The following ULK4 variants were observed in gnomAD, a reference collection of about 807,000 sequenced individuals.
The protein encoded by ULK4 is unc-51 like kinase 4.
In ULK4, 133 loss-of-function variants were observed where a neutral mutation model predicts 160.6. That is an observed-to-expected ratio of 0.83 (90% CI 0.72 to 0.96). ULK4 has a LOEUF of 0.96. Among genes scored for constraint, ULK4 ranks in the 40% least tolerant of loss-of-function variants. The probability of loss-of-function intolerance (pLI) is 0.00; values close to 1 mark genes in which losing one functional copy is unlikely to be tolerated. For synonymous variants in ULK4, 534 were observed against 539.8 expected (o/e 0.99, Z 0.15); for missense variants, 1,580 against 1,499.5 (o/e 1.05, Z -0.89).
At chr3:41,649,422 A>G (rs1194694952) in intron 30 of ULK4, among the ~76,000 whole-genome samples, 1 of 151,990 alleles carries the variant, frequency 6.6e-6, no homozygotes, top group Admixed American at 6.5e-5. Context: ...ACAGCTCCAG[A>G]CCCTGGCACC....
intron 34 of ULK4, among the ~76,000 whole-genome samples, chr3:41,439,464 G>T (rs532675498): frequency 2.5e-4 from 38 of 152,210 alleles, no homozygotes; most frequent in African/African-American, 8.9e-4. Context: ...CACCCAGAAA[G>T]AAATGAAAAT....
chr3:41,789,047 C>CA (rs1464903341), intron 21 of ULK4, among the ~76,000 whole-genome samples: 1 of 152,156 alleles, frequency 6.6e-6, no homozygotes, highest in Non-Finnish European at 1.5e-5. Context: ...TAGGTGATGT[C>CA]AATGCTGCTG....
chr3:41,477,033 G>C (rs2084165954), intron 32 of ULK4, among the ~76,000 whole-genome samples: 1 of 152,124 alleles, frequency 6.6e-6, no homozygotes, highest in South Asian at 2.1e-4. Context: ...TAGTGTGCTA[G>C]TACTTCCCAG....
intron 17 of ULK4, among the ~76,000 whole-genome samples, chr3:41,864,817 C>A (rs1332199003): frequency 6.6e-6 from 1 of 152,138 alleles, no homozygotes; most frequent in African/African-American, 2.4e-5. Context: ...TGATCTAAGA[C>A]CAATTACCCT....
chr3:41,840,197 T>C (rs2041868340), intron 17 of ULK4, among the ~76,000 whole-genome samples: 1 of 152,128 alleles, frequency 6.6e-6, no homozygotes, highest in Non-Finnish European at 1.5e-5. Flanking sequence ...GGGAGGCCAA[T>C]ACGGGAGGAT....
At chr3:41,648,398 T>C (rs1456375525) in intron 30 of ULK4, among the ~76,000 whole-genome samples, 1 of 152,166 alleles carries the variant, frequency 6.6e-6, no homozygotes, top group Non-Finnish European at 1.5e-5. Context: ...TAGTACCAAA[T>C]GACTACAGCT....
At chr3:41,296,068 C>A (rs1022035101) in intron 35 of ULK4, among the ~76,000 whole-genome samples, 2 of 152,036 alleles carry the variant, frequency 1.3e-5, no homozygotes, top group Non-Finnish European at 2.9e-5. Flanking sequence ...TATTACTCAG[C>A]GCTAAAAAGA....
At chr3:41,543,697 C>T (rs770561545) in intron 32 of ULK4, among the ~76,000 whole-genome samples, 3 of 152,114 alleles carry the variant, frequency 2.0e-5, no homozygotes, top group Non-Finnish European at 4.4e-5. Flanking sequence ...TATTGGCATA[C>T]ATTTTTTCAT....
intron 32 of ULK4, among the ~76,000 whole-genome samples, chr3:41,484,602 G>GTA (rs1559638329): frequency 4.9e-4 from 74 of 151,950 alleles, no homozygotes; most frequent in African/African-American, 1.7e-3. Context: ...ACAGGCGCCC[G>GTA]CCACCACACC....
chr3:41,433,879 C>T (rs1005348496), intron 34 of ULK4, among the ~76,000 whole-genome samples: 11 of 152,202 alleles, frequency 7.2e-5, no homozygotes, highest in African/African-American at 1.4e-4. Context: ...GCCACCACAC[C>T]GGGCTAATTT....
intron 34 of ULK4, among the ~76,000 whole-genome samples, chr3:41,410,743 A>G (rs374731698): frequency 1.2e-4 from 19 of 152,348 alleles, no homozygotes; most frequent in Middle Eastern, 3.4e-3. Flanking sequence ...TTTCTAATTC[A>G]TTCTCTGAGT....
At chr3:41,739,306 A>G (rs2038161156) in intron 22 of ULK4, among the ~76,000 whole-genome samples, 1 of 151,878 alleles carries the variant, frequency 6.6e-6, no homozygotes, top group Admixed American at 6.6e-5. Flanking sequence ...AATCCTGATT[A>G]AGAATTGTTT....
chr3:41,721,300 A>G (rs2037451161), intron 22 of ULK4, among the ~76,000 whole-genome samples: 1 of 81,762 alleles, frequency 1.2e-5, no homozygotes, highest in African/African-American at 4.9e-5. Context: ...TTGAACCATG[A>G]GTATGTGTTA....
chr3:41,449,282 T>C (rs2083373215), intron 34 of ULK4, among the ~76,000 whole-genome samples: 1 of 152,072 alleles, frequency 6.6e-6, no homozygotes, highest in Non-Finnish European at 1.5e-5. Context: ...AGGCTGGTCT[T>C]GAACTCCTGG....
intron 31 of ULK4, among the ~76,000 whole-genome samples, chr3:41,567,234 T>C (rs2087811811): frequency 6.6e-6 from 1 of 152,064 alleles, no homozygotes; most frequent in Admixed American, 6.5e-5. Context: ...GGTATGCCAG[T>C]GAACAAAGTC....
intron 31 of ULK4, among the ~76,000 whole-genome samples, chr3:41,609,926 A>G (rs2032585708): frequency 1.3e-5 from 2 of 151,956 alleles, no homozygotes; most frequent in African/African-American, 2.4e-5. Context: ...ATAAGCTATC[A>G]TCGTGCCACT....
chr3:41,761,292 T>C (rs1040436557), intron 21 of ULK4, among the ~76,000 whole-genome samples: 2 of 146,590 alleles, frequency 1.4e-5, no homozygotes, highest in Non-Finnish European at 3.0e-5. Context: ...ATAGTATATA[T>C]AATATACACA....
chr3:41,369,989 G>A (rs1413460866), intron 35 of ULK4, among the ~76,000 whole-genome samples: 4 of 152,032 alleles, frequency 2.6e-5, no homozygotes, highest in Admixed American at 1.3e-4. Flanking sequence ...ATCAGAGACT[G>A]GCAAAGAAAA....
intron 22 of ULK4, among the ~76,000 whole-genome samples, chr3:41,748,240 CA>C (rs2038486994): frequency 6.6e-6 from 1 of 150,656 alleles, no homozygotes; most frequent in Non-Finnish European, 1.5e-5. Flanking sequence ...TACACACACA[CA>C]CCATATATAG....
Sources: allele counts gnomAD v4.1 joint callset (sites outside exome capture counted in the v4.1 genomes callset), GRCh38; gene constraint gnomAD v4.1.1; transcripts MANE v1.5; gene names NCBI Gene and HGNC (gene_info 2026-07-23, HGNC 2026-07-21).